RNF19B: variants seen among roughly 807,000 people sequenced by gnomAD.
RNF19B encodes the protein E3 ubiquitin-protein ligase RNF19B.
In RNF19B, 23 loss-of-function variants were observed where a neutral mutation model predicts 65.5. The observed-to-expected ratio is 0.35, with a 90% CI of 0.25 to 0.50. The LOEUF is 0.50. Ranked by LOEUF, RNF19B falls within the 20% of genes least tolerant of loss-of-function variation. The probability of loss-of-function intolerance (pLI) is 0.98; values close to 1 mark genes in which losing one functional copy is unlikely to be tolerated. For missense variants in RNF19B, 794 were observed against 980.0 expected, an observed-to-expected ratio of 0.81 and a Z score of 2.53; for synonymous variants, 372 against 379.6, an observed-to-expected ratio of 0.98 and a Z score of 0.23.
In RNF19B at chr1:32,936,966, A is replaced by G. The variant is rs746665097; in HGVS notation, c.2036T>C (p.Ile679Thr). ...GGGGGAGCCACACTCATCTGAGGTG[A>G]TGTCTGGCACATCGTCTGACTGTGC... ...SDAQSDDVPD[I>T]TSDECGSPRS... Residue 679 changes from isoleucine to threonine, a missense_variant, in exon 9 of 9, where the codon ATC (isoleucine) becomes ACC (threonine). Coordinates refer to ENST00000235150, the MANE Select transcript of RNF19B (RefSeq NM_001300826.2). 3 of 1,613,890 alleles carry G rather than the reference A, an allele frequency of 1.9e-6. No individual in the cohort carries two copies. The highest frequency in any genetic ancestry group is 2.5e-6 in the Non-Finnish European group (3 of 1,179,996).
intron 8 of RNF19B, among the ~76,000 whole-genome samples, chr1:32,938,047 A>G (rs1642144630): frequency 6.6e-6 from 1 of 151,626 alleles, no homozygotes; most frequent in Admixed American, 6.6e-5. Context: ...AGCAAAGGGC[A>G]AGCAGAAACC....
chr1:32,937,050 G>A lies in RNF19B; in HGVS notation c.1952C>T (p.Pro651Leu). The change falls in exon 9 of 9, where the codon CCT becomes CTT. Residue 651 changes from proline (P) to leucine (L), a missense_variant. By Grantham distance (98) the Pro-to-Leu change is moderately conservative. This residue lies in a region of RNF19B where 368 missense variants were observed against 447.3 expected (regional missense o/e 0.82). Coordinates refer to ENST00000235150, the MANE Select transcript of RNF19B (RefSeq NM_001300826.2). ...CEQKDCLASK[P>L]WDISLAQPES... ...AGGCTGGGCCAGGCTGATGTCCCAAGGTTTGCTGGCCAGGCAGTCTTTCTG... is the reference window on the plus strand; with the variant it reads ...AGGCTGGGCCAGGCTGATGTCCCAAAGTTTGCTGGCCAGGCAGTCTTTCTG... 6.2e-7 allele frequency: 1 copy of A among 1,614,190 alleles called. No homozygotes were observed. Among genetic ancestry groups the A allele is most frequent in the Non-Finnish European group, 8.5e-7 (1 of 1,180,048 alleles).
intron 8 of RNF19B, 182 bp downstream of exon 8, chr1:32,938,215 C>G (rs1251593518): frequency 2.7e-6 from 1 of 369,712 alleles, no homozygotes; most frequent in African/African-American, 2.3e-5. Context: ...CAAGCGCTAA[C>G]AAGAAGAATC....
chr1:32,964,394 C>G lies in RNF19B; in HGVS notation c.292G>C (p.Glu98Gln). Reference sequence around the variant, plus strand: ...GCCTCCTCATCGTCGAACCCAGGCTCCGCCGCCGCCGCCGCGGCCTCCGCC... The same window carrying G: ...GCCTCCTCATCGTCGAACCCAGGCTGCGCCGCCGCCGCCGCGGCCTCCGCC... The part of the protein sequence containing the change: ...AEAEAAAAAA[E>Q]PGFDDEEAAE... The change falls in exon 1 of 9, where the codon GAG becomes CAG. Residue 98 changes from glutamate to glutamine, a missense_variant. This residue lies in a region of RNF19B where 374 missense variants were observed against 423.8 expected (regional missense o/e 0.88). Coordinates refer to ENST00000235150, the MANE Select transcript of RNF19B (RefSeq NM_001300826.2). The surrounding 1 kb of genome is among the most constrained non-coding windows in gnomAD (Gnocchi z 6.5). 7.9e-7 allele frequency: 1 copy of G among 1,260,104 alleles called. No individual in the cohort carries two copies. The highest frequency in any genetic ancestry group is 3.2e-5 in the East Asian group (1 of 30,910). The allele number at this position is 1,260,104 out of a possible 1,614,324, so 78.1% of individuals were successfully genotyped here.
chr1:32,936,926 T>C lies in RNF19B; in HGVS notation c.2076A>G (p.Ala692=). Residue 692 remains alanine (A), a synonymous_variant, in exon 9 of 9, where the codon GCA becomes GCG. Coordinates refer to ENST00000235150, the MANE Select transcript of RNF19B (RefSeq NM_001300826.2). Reference sequence around the variant, plus strand: ...GGGCTCTGGGGGTCGAGGGGCAGGCTGCAGTATGGGAGCGGGGGGAGCCAC... The same window carrying C: ...GGGCTCTGGGGGTCGAGGGGCAGGCCGCAGTATGGGAGCGGGGGGAGCCAC... ...DECGSPRSHT[A]ACPSTPRAQG... The C allele has an allele frequency of 1.2e-6, 2 of 1,614,018 alleles. No homozygotes were observed. The highest frequency in any genetic ancestry group is 1.7e-6 in the Non-Finnish European group (2 of 1,179,978).
chr1:32,933,986 C>A (rs1052732769), downstream of RNF19B, among the ~76,000 whole-genome samples: 2 of 152,152 alleles, frequency 1.3e-5, no homozygotes, highest in African/African-American at 4.8e-5. Flanking sequence ...ATTGTTCTCT[C>A]GAGGCTTCAA....
Position 32,942,402 on chromosome 1 carries a change from C to A in RNF19B, c.1460G>T (p.Gly487Val), listed in dbSNP as rs769356232. 6.2e-7 allele frequency: 1 copy of A among 1,614,220 alleles called. No individual in the cohort carries two copies. Among genetic ancestry groups the A allele is most frequent in the East Asian group, 2.2e-5 (1 of 44,884 alleles). Residue 487 changes from glycine to valine, a missense_variant, in exon 7 of 9, where the codon GGC becomes GTC. Gly to Val is a moderately radical substitution (Grantham distance 109). Transcript: ENST00000235150. ...NPSIGESSIE[G>V]LTSVLSTSGS... ...ACTAGTGCTCAATACACTAGTCAGG[C>A]CTTCAATGCTGCTTTCCCCAATGCT...
chr1:32,960,966 T>C (rs1212772099), intron 1 of RNF19B, among the ~76,000 whole-genome samples: 2 of 152,190 alleles, frequency 1.3e-5, no homozygotes, highest in East Asian at 1.9e-4. Flanking sequence ...TGAGCCGTGA[T>C]TGCACCACTG....
chr1:32,961,773 A>G (rs1642775517), intron 1 of RNF19B, among the ~76,000 whole-genome samples: 1 of 152,164 alleles, frequency 6.6e-6, no homozygotes, highest in African/African-American at 2.4e-5. Flanking sequence ...ACTTCCAAAT[A>G]GTTGAGAGTT....
At chr1:32,929,377 T>C in the RNF19B span, among the ~76,000 whole-genome samples, 1 of 152,208 alleles carries the variant, frequency 6.6e-6, no homozygotes, top group Non-Finnish European at 1.5e-5. Context: ...AGGGCACATT[T>C]TGAGGTACTA....
Position 32,938,443 on chromosome 1 carries a change from G to A in RNF19B, c.1696C>T (p.Arg566Cys), listed in dbSNP as rs530329875. ...CTGATTATGGAACCGGCCATAGCACGAGTGCTTGCGTTGTCACTAATTGCA... is the reference window on the plus strand; with the variant it reads ...CTGATTATGGAACCGGCCATAGCACAAGTGCTTGCGTTGTCACTAATTGCA... ...LGAISDNAST[R>C]AMAGSIISSY... Residue 566 changes from arginine to cysteine, a missense_variant, in exon 8 of 9, where the codon CGT becomes TGT. Physicochemically the swap from Arg to Cys is radical, Grantham distance 180. This residue lies in a region of RNF19B where 368 missense variants were observed against 447.3 expected (regional missense o/e 0.82). Transcript: ENST00000235150. The A allele has an allele frequency of 6.2e-6, 10 of 1,614,024 alleles. No homozygotes were observed. The highest frequency in any genetic ancestry group is 5.0e-5 in the Admixed American group (3 of 59,994).
At chr1:32,960,932 G>C (rs1642755408) in intron 1 of RNF19B, among the ~76,000 whole-genome samples, 1 of 152,102 alleles carries the variant, frequency 6.6e-6, no homozygotes, top group Non-Finnish European at 1.5e-5. Context: ...AGGATCGCCT[G>C]AGCCCAGGAG....
At position 32,941,205 on chromosome 1, in the gene RNF19B, AC is replaced by A. The variant is rs1439792597; in HGVS notation, c.1610+1046del. ...GCCACTGCATTCCAGCCTGGATGAC[AC>A]AGTGAGAAAAAAAACAAAAAAAAAT... On this transcript the variant is annotated intron_variant, in intron 7 of 8. Coordinates refer to ENST00000235150, the MANE Select transcript of RNF19B (RefSeq NM_001300826.2). 1.4e-4 allele frequency among the ~76,000 whole-genome samples: 22 copies of A among 152,024 alleles called. No homozygotes were observed. The East Asian group carries it at 4.2e-3, about 29-fold the overall frequency.
rs1642143384 is a variant in RNF19B, at chr1:32,937,961, G to T, written c.1742+436C>A. 2.0e-5 allele frequency among the ~76,000 whole-genome samples: 3 copies of T among 151,558 alleles called. No individual in the cohort carries two copies. The South Asian group carries it at 6.2e-4, about 32-fold the overall frequency. On this transcript the variant is annotated intron_variant, in intron 8 of 8. Transcript: ENST00000235150. ...AAGAAGCCAGAATACCTACTAGTGG[G>T]AGTACCACAATCACACCATCCCAGA...
rs754063635 is a variant in RNF19B at position 32,937,006 on chromosome 1, G to C, written c.1996C>G (p.Leu666Val). The C allele has an allele frequency of 6.2e-6, 10 of 1,614,046 alleles. No homozygotes were observed. The change falls in exon 9 of 9, where the codon CTA becomes GTA. Residue 666 changes from leucine (L) to valine (V), a missense_variant. Coordinates refer to ENST00000235150, the MANE Select transcript of RNF19B (RefSeq NM_001300826.2). The stretch of plus-strand genomic sequence containing the variant: ...TCTGACTGTGCATCAGAACTCTCTA[G>C]GTCACTGCGGATGCTTTCAGGCTGG... ...LAQPESIRSD[L>V]ESSDAQSDDV...
At chr1:32,938,109 AAT>A (rs1642145827) in intron 8 of RNF19B, among the ~76,000 whole-genome samples, 1 of 146,138 alleles carries the variant, frequency 6.8e-6, no homozygotes, top group Admixed American at 7.2e-5. Context: ...AGTTCCATGT[AAT>A]TATACACTGT....
At chr1:32,937,809 C>T (rs76163945) in intron 8 of RNF19B, among the ~76,000 whole-genome samples, 114 of 152,244 alleles carry the variant, frequency 7.5e-4, no homozygotes, top group African/African-American at 2.6e-3. Flanking sequence ...TGCACACACA[C>T]GTGTATCTCA....
Position 32,962,597 on chromosome 1 carries a change from GGA to G in RNF19B, c.635+1452_635+1453del, listed in dbSNP as rs1642796864. On this transcript the variant is annotated intron_variant, in intron 1 of 8. Transcript: ENST00000235150. ...CACTCTAAGACAGCTCCTTTTGAAA[GGA>G]GACAACCAGCAGCATCATGGAGATT... Among the ~76,000 whole-genome samples, 3 of 152,158 alleles carry G rather than the reference GGA, an allele frequency of 2.0e-5. No homozygotes were observed. In the South Asian group the frequency reaches 6.2e-4, roughly 31 times the overall value.
the RNF19B span, among the ~76,000 whole-genome samples, chr1:32,931,088 C>T: frequency 2.8e-5 from 4 of 144,552 alleles, 1 homozygote; most frequent in South Asian, 8.8e-4. Flanking sequence ...ACTCTGTCTC[C>T]AAAAAAAAAA....
Sources: gnomAD v4.1 joint callset for allele counts (sites outside exome capture counted in the v4.1 genomes callset) on GRCh38, gnomAD v4.1.1 for gene constraint, gnomAD v4.1.1 regional missense constraint, Gnocchi (gnomAD v3.1) non-coding constraint, MANE v1.5 for transcripts, NCBI Gene and HGNC (gene_info 2026-07-23, HGNC 2026-07-21) for gene names.